KIAA0319: variants seen among roughly 807,000 people sequenced by gnomAD.
KIAA0319 encodes the protein KIAA0319, also known as dyslexia-associated protein KIAA0319.
A neutral mutation model predicts 108.4 loss-of-function variants in KIAA0319; 83 were observed. The observed-to-expected ratio is 0.77, with a 90% CI of 0.64 to 0.92. KIAA0319 has a LOEUF of 0.92. Among genes scored for constraint, KIAA0319 ranks in the 40% least tolerant of loss-of-function variants. The probability of loss-of-function intolerance (pLI) is 0.00; values close to 1 mark genes in which losing one functional copy is unlikely to be tolerated. For synonymous variants in KIAA0319, 484 were observed against 510.4 expected, an observed-to-expected ratio of 0.95 and a Z score of 0.70; for missense variants, 1,195 against 1,322.4, an observed-to-expected ratio of 0.90 and a Z score of 1.49.
chr6:24,639,854 A>AAG (rs200912439), intron 1 of KIAA0319, among the ~76,000 whole-genome samples: 4,509 of 151,636 alleles, frequency 0.03, 233 homozygotes, highest in African/African-American at 0.1. Flanking sequence ...CTTAAAAAAA[A>AAG]AAAAAAAAGT....
chr6:24,619,942 T>C (rs1773692357), intron 1 of KIAA0319, among the ~76,000 whole-genome samples: 1 of 152,194 alleles, frequency 6.6e-6, no homozygotes, highest in African/African-American at 2.4e-5. Context: ...GTGCCGACCA[T>C]CTGAAATGAC....
rs550197831 is a variant in KIAA0319 at position 24,545,653 on chromosome 6, C to A, written c.*1512G>T. On this transcript the variant is annotated 3_prime_UTR_variant, in exon 21 of 21. Coordinates refer to ENST00000378214, the MANE Select transcript of KIAA0319 (RefSeq NM_014809.4). The stretch of plus-strand genomic sequence containing the variant: ...TAAAATGACACACTTTTTAGTTCTG[C>A]CTTTCCCCAGTAAATTACAATAAGT... 1 of 152,264 alleles carries A rather than the reference C, an allele frequency of 6.6e-6. No individual in the cohort carries two copies. Among genetic ancestry groups the A allele is most frequent in the African/African-American group, 2.4e-5 (1 of 41,544 alleles). 9.4% of individuals were successfully genotyped at this position (152,264 alleles called of 1,614,324 possible). A position where few individuals can be genotyped will look rare whatever the true frequency, so the allele number is the denominator to read the frequency against.
intron 13 of KIAA0319, among the ~76,000 whole-genome samples, chr6:24,567,564 G>A (rs140972244): frequency 1.3e-5 from 2 of 152,058 alleles, no homozygotes; most frequent in East Asian, 3.9e-4. Flanking sequence ...AGCTGGGCAT[G>A]GTAACACACA....
intron 1 of KIAA0319, among the ~76,000 whole-genome samples, chr6:24,643,085 G>A (rs1320069737): frequency 6.6e-6 from 1 of 152,132 alleles, no homozygotes; most frequent in African/African-American, 2.4e-5. Flanking sequence ...ATATTATTTA[G>A]AAGGAAAAAT....
intron 1 of KIAA0319, among the ~76,000 whole-genome samples, chr6:24,604,943 C>T (rs1161109632): frequency 6.6e-5 from 10 of 152,258 alleles, no homozygotes; most frequent in African/African-American, 1.9e-4. Context: ...CGGGTTCAAG[C>T]GATTCTCCTG....
chr6:24,595,958 G>A lies in KIAA0319; in HGVS notation c.716C>T (p.Pro239Leu), dbSNP rs544402125. The change falls in exon 3 of 21, where the codon CCG becomes CTG. Residue 239 changes from proline (P) to leucine (L), a missense_variant. Physicochemically the swap from Pro to Leu is moderately conservative, Grantham distance 98. Coordinates refer to ENST00000378214, the MANE Select transcript of KIAA0319 (RefSeq NM_014809.4). The part of the protein sequence containing the change: ...LPERSVLLPL[P>L]TTPSSGEVLE... ...CACCTCTCCTGAAGATGGAGTAGTC[G>A]GCAAGGGAAGCAACACACTTCTCTC... 32 of 1,614,134 alleles carry A rather than the reference G, an allele frequency of 2.0e-5. No homozygotes were observed. In the African/African-American group the frequency reaches 3.5e-4, roughly 17 times the overall value.
rs181709345 is a variant in KIAA0319, at chr6:24,545,225, T to A, written c.*1940A>T. 1 of 152,360 alleles carries A rather than the reference T, an allele frequency of 6.6e-6. No individual in the cohort carries two copies. The highest frequency in any genetic ancestry group is 2.4e-5 in the African/African-American group (1 of 41,592). The allele number at this position is 152,360 out of a possible 1,614,324, so 9.4% of individuals were successfully genotyped here. Reference sequence around the variant, plus strand: ...ATTTGCATTCAGTTCTTGGAGCCACTACTTCTTGGCCATGACCTCTGGGAA... The same window carrying A: ...ATTTGCATTCAGTTCTTGGAGCCACAACTTCTTGGCCATGACCTCTGGGAA... On this transcript the variant is annotated 3_prime_UTR_variant, in exon 21 of 21. Coordinates refer to ENST00000378214, the MANE Select transcript of KIAA0319 (RefSeq NM_014809.4).
Position 24,599,905 on chromosome 6 carries a change from T to A in KIAA0319, c.55+1144A>T. Reference sequence around the variant, plus strand: ...AGGAGACCCACCTGAGGCTCAGCGCTCGCCCTCAGCCGACCCGCGGGAGAG... The same window carrying A: ...AGGAGACCCACCTGAGGCTCAGCGCACGCCCTCAGCCGACCCGCGGGAGAG... On this transcript the variant is annotated intron_variant, in intron 2 of 20. Coordinates refer to ENST00000378214, the MANE Select transcript of KIAA0319 (RefSeq NM_014809.4). The surrounding 1 kb of genome is among the most constrained non-coding windows in gnomAD (Gnocchi z 4.1). 1 of 312,334 alleles carries A rather than the reference T, an allele frequency of 3.2e-6. No homozygotes were observed. Among genetic ancestry groups the A allele is most frequent in the South Asian group, 3.4e-5 (1 of 29,700 alleles). 19.3% of individuals were successfully genotyped at this position (312,334 alleles called of 1,614,324 possible).
chr6:24,624,017 C>CTTTTT (rs536970883), intron 1 of KIAA0319, among the ~76,000 whole-genome samples: 34 of 50,510 alleles, frequency 6.7e-4, no homozygotes, highest in Non-Finnish European at 1.0e-3. Flanking sequence ...TCTTTGTTTT[C>CTTTTT]TTTTTTTTTT....
chr6:24,569,026 C>CT, intron 12 of KIAA0319, 97 bp from the exon 13 acceptor site: 1 of 1,220,512 alleles, frequency 8.2e-7, no homozygotes, highest in East Asian at 2.4e-5. Flanking sequence ...TTTGTTCCAG[C>CT]TATAATATAT....
Position 24,559,102 on chromosome 6 carries a change from G to A in KIAA0319, c.2645C>T (p.Ala882Val). 1 of 1,613,816 alleles carries A rather than the reference G, an allele frequency of 6.2e-7. No homozygotes were observed. The highest frequency in any genetic ancestry group is 8.5e-7 in the Non-Finnish European group (1 of 1,180,010). ...QSRPPFKVLK[A>V]AEVARNLHMR... ...GTGCAGATTTCGGGCCACTTCAGCA[G>A]CTTTGAGAACCTTGAAAGGCGGCCT... The change falls in exon 17 of 21, where the codon GCT (alanine) becomes GTT (valine). Residue 882 changes from alanine to valine, a missense_variant. By Grantham distance (64) the Ala-to-Val change is moderately conservative. Transcript: ENST00000378214.
chr6:24,618,363 C>G (rs1007453569), intron 1 of KIAA0319, among the ~76,000 whole-genome samples: 5 of 152,100 alleles, frequency 3.3e-5, no homozygotes, highest in African/African-American at 9.7e-5. Context: ...AACCCCAACA[C>G]TTTGGGAGGC....
chr6:24,592,774 C>T (rs917720905), intron 3 of KIAA0319, among the ~76,000 whole-genome samples: 1 of 152,044 alleles, frequency 6.6e-6, no homozygotes, highest in African/African-American at 2.4e-5. Flanking sequence ...AGTTTGAGAC[C>T]AACCTGGGCA....
intron 15 of KIAA0319, 124 bp downstream of exon 15, chr6:24,564,078 G>A (rs1377232209): frequency 1.7e-6 from 2 of 1,152,706 alleles, no homozygotes; most frequent in Non-Finnish European, 2.5e-6. Context: ...CTCAAAGTGG[G>A]TCCAGCCAAG....
intron 1 of KIAA0319, among the ~76,000 whole-genome samples, chr6:24,632,424 T>G (rs1408955711): frequency 3.3e-5 from 5 of 152,238 alleles, no homozygotes; most frequent in African/African-American, 1.2e-4. Context: ...AAAACAATTT[T>G]CTAAGTATCA....
At position 24,553,270 on chromosome 6, in the gene KIAA0319, G is replaced by GATATAT. The variant is rs1341452189; in HGVS notation, c.2948+1270_2948+1271insATATAT. 1.5e-3 allele frequency among the ~76,000 whole-genome samples: 162 copies of GATATAT among 105,618 alleles called. 5 individuals are homozygous for GATATAT. The highest frequency in any genetic ancestry group is 6.3e-3 in the African/African-American group (132 of 21,074). The allele number at this position is 105,618 out of a possible 152,430, so 69.3% of individuals were successfully genotyped here. A position where few individuals can be genotyped will look rare whatever the true frequency, so the allele number is the denominator to read the frequency against. The stretch of plus-strand genomic sequence containing the variant: ...TGTAAGGCCACTTAGGTACTTGTGA[G>GATATAT]ATAGATATATATATATATATATATA... On this transcript the variant is annotated intron_variant, in intron 19 of 20. Coordinates refer to ENST00000378214, the MANE Select transcript of KIAA0319 (RefSeq NM_014809.4).
chr6:24,607,582 C>A (rs1191089317), intron 1 of KIAA0319, among the ~76,000 whole-genome samples: 2 of 151,924 alleles, frequency 1.3e-5, no homozygotes. Flanking sequence ...GGCAGATATA[C>A]CCTTGTATTC....
intron 1 of KIAA0319, among the ~76,000 whole-genome samples, chr6:24,611,073 A>G (rs1475073949): frequency 6.6e-6 from 1 of 152,220 alleles, no homozygotes; most frequent in Non-Finnish European, 1.5e-5. Context: ...TGAAATATGC[A>G]GGATGGTCAA....
At chr6:24,596,794 A>G (rs1769684028) in intron 2 of KIAA0319, among the ~76,000 whole-genome samples, 176 bp from the exon 3 acceptor site, 1 of 152,102 alleles carries the variant, frequency 6.6e-6, no homozygotes, top group Admixed American at 6.5e-5. Flanking sequence ...CCAGCCATAT[A>G]TTCATCCTCC....
Sources: allele counts gnomAD v4.1 joint callset (sites outside exome capture counted in the v4.1 genomes callset), GRCh38; gene constraint gnomAD v4.1.1; non-coding constraint Gnocchi (gnomAD v3.1); transcripts MANE v1.5; gene names NCBI Gene and HGNC (gene_info 2026-07-23, HGNC 2026-07-21).